TFB1M: variants seen among roughly 807,000 people sequenced by gnomAD.
TFB1M encodes transcription factor B1, mitochondrial.
TFB1M carries 27 observed loss-of-function variants against 31.1 expected under a neutral mutation model. That is an observed-to-expected ratio of 0.87 (90% confidence interval 0.64 to 1.20). The LOEUF (loss-of-function observed/expected upper bound fraction) is 1.20, where lower values mean the gene tolerates loss of function less well. Among genes scored for constraint, TFB1M ranks in the 50% most tolerant of loss-of-function variants. The probability of loss-of-function intolerance (pLI) is 0.00; values close to 1 mark genes in which losing one functional copy is unlikely to be tolerated. For synonymous variants in TFB1M, 166 were observed against 151.8 expected (o/e 1.09, Z -0.69); for missense variants, 394 against 418.7 (o/e 0.94, Z 0.51).
Position 155,256,909 on chromosome 6 carries a change from TTC to T in TFB1M, c.*925_*926del. ...GCAGCCCAAACTGGTCCGGGGGCAC[TTC>T]TGCCCCATTAAACGAAAAGCCAACA... On this transcript the variant is annotated 3_prime_UTR_variant, in exon 7 of 7. Transcript: ENST00000367166. 6.2e-7 allele frequency: 1 copy of T among 1,614,228 alleles called. No homozygotes were observed. Among genetic ancestry groups the T allele is most frequent in the South Asian group, 1.1e-5 (1 of 91,090 alleles).
At chr6:155,266,258 G>A (rs1318973606) in intron 5 of TFB1M, among the ~76,000 whole-genome samples, 1 of 152,148 alleles carries the variant, frequency 6.6e-6, no homozygotes, top group African/African-American at 2.4e-5. Flanking sequence ...AAAATACAAG[G>A]ATGGGGCTCC....
intron 1 of TFB1M, among the ~76,000 whole-genome samples, chr6:155,312,658 T>C (rs1365306517): frequency 6.6e-6 from 1 of 152,154 alleles, no homozygotes; most frequent in Non-Finnish European, 1.5e-5. Context: ...TGCTCTCTTC[T>C]GCCTGAGCTT....
At chr6:155,295,321 G>A (rs866479801) in intron 4 of TFB1M, among the ~76,000 whole-genome samples, 1 of 151,726 alleles carries the variant, frequency 6.6e-6, no homozygotes, top group Admixed American at 6.6e-5. Context: ...AGCCAAGATC[G>A]TGCCACTGCA....
At chr6:155,240,858 G>A in the TFB1M span, 1 of 799,418 alleles carries the variant, frequency 1.3e-6, no homozygotes, top group Non-Finnish European at 1.9e-6. Context: ...ATTGCTCAAG[G>A]AAGGGAGGGG....
In TFB1M at chr6:155,257,894, C is replaced by T. The variant is rs748923762; in HGVS notation, c.983G>A (p.Arg328Gln). ...TTTTTCTTCATTTTTGCTTTTTCTTCGCTTGAGTTCTTCTCTGAAATTATA... is the reference window on the plus strand; with the variant it reads ...TTTTTCTTCATTTTTGCTTTTTCTTTGCTTGAGTTCTTCTCTGAAATTATA... ...FAYNFREELKRRKSKNEEKEE... is the reference protein window; with the variant it reads ...FAYNFREELKQRKSKNEEKEE... Residue 328 changes from arginine to glutamine, a missense_variant, in exon 7 of 7, where the codon CGA (arginine) becomes CAA (glutamine). Around this residue, in one of 3 missense-constraint regions of TFB1M, gnomAD observed 115 missense variants for 144.1 expected, o/e 0.80. Coordinates refer to ENST00000367166, the MANE Select transcript of TFB1M (RefSeq NM_016020.4). 1.3e-5 allele frequency: 21 copies of T among 1,614,030 alleles called. No individual in the cohort carries two copies. Among genetic ancestry groups the T allele is most frequent in the South Asian group, 3.3e-5 (3 of 91,088 alleles).
At chr6:155,233,971 A>G in the TFB1M span, among the ~76,000 whole-genome samples, 1 of 145,076 alleles carries the variant, frequency 6.9e-6, no homozygotes, top group African/African-American at 2.6e-5. Context: ...TCAAAAAAAC[A>G]AAACAAAAAC....
At chr6:155,259,736 C>T (rs948292936) in intron 6 of TFB1M, among the ~76,000 whole-genome samples, 31 of 152,212 alleles carry the variant, frequency 2.0e-4, no homozygotes, top group African/African-American at 7.5e-4. Flanking sequence ...AGGCTGTGGT[C>T]CTTCAGAGCC....
chr6:155,268,911 T>TC (rs1178721944), intron 5 of TFB1M, among the ~76,000 whole-genome samples: 2 of 97,924 alleles, frequency 2.0e-5, no homozygotes, highest in African/African-American at 8.4e-5. Context: ...CCCTGCCAAA[T>TC]CCCCCTCTGC....
At chr6:155,263,257 C>T (rs1784472227) in intron 5 of TFB1M, among the ~76,000 whole-genome samples, 1 of 152,126 alleles carries the variant, frequency 6.6e-6, no homozygotes, top group Admixed American at 6.5e-5. Flanking sequence ...TTTAAAATTA[C>T]AAGTATTATT....
downstream of TFB1M, chr6:155,253,516 G>A (rs1783802611): frequency 5.7e-6 from 1 of 174,738 alleles, no homozygotes; most frequent in Non-Finnish European, 1.2e-5. Flanking sequence ...GGTGACAGAA[G>A]AGGCCAGCAG....
chr6:155,311,122 A>T, intron 2 of TFB1M, 66 bp downstream of exon 2: 1 of 1,562,212 alleles, frequency 6.4e-7, no homozygotes, highest in South Asian at 1.1e-5. Context: ...TTGGGGTTTA[A>T]GCATCATGGC....
intron 2 of TFB1M, among the ~76,000 whole-genome samples, chr6:155,306,610 G>T (rs535210294): frequency 6.6e-6 from 1 of 151,908 alleles, no homozygotes; most frequent in Admixed American, 6.6e-5. Context: ...CTAAGTAAAA[G>T]ATACCAGACC....
Position 155,281,721 on chromosome 6 carries a change from CAAAAAAAAA to C in TFB1M, c.666+3428_666+3436del, listed in dbSNP as rs1217317032. Reference sequence around the variant, plus strand: ...TGGGCGGCAGAGTGAGACTCTGTCTCAAAAAAAAAAAAAAAAAAAAAAAAATAGTGTTGA... The same window carrying C: ...TGGGCGGCAGAGTGAGACTCTGTCTCAAAAAAAAAAAAAAAATAGTGTTGA... On this transcript the variant is annotated intron_variant, in intron 5 of 6. Transcript: ENST00000367166. Among the ~76,000 whole-genome samples, 5 of 63,228 alleles carry C rather than the reference CAAAAAAAAA, an allele frequency of 7.9e-5. No homozygotes were observed. The South Asian group carries it at 3.1e-3, about 40-fold the overall frequency. 41.5% of individuals were successfully genotyped at this position (63,228 alleles called of 152,430 possible).
At chr6:155,230,010 T>C in the TFB1M span, among the ~76,000 whole-genome samples, 1 of 151,930 alleles carries the variant, frequency 6.6e-6, no homozygotes, top group South Asian at 2.1e-4. Flanking sequence ...ATGGGAATCA[T>C]TACAATTCAA....
chr6:155,286,122 C>T (rs563803143), intron 4 of TFB1M, among the ~76,000 whole-genome samples: 5 of 151,980 alleles, frequency 3.3e-5, no homozygotes, highest in East Asian at 3.9e-4. Context: ...ACGATAGATG[C>T]GATGTAGCAA....
downstream of TFB1M, chr6:155,253,330 AAAATG>A (rs1783787791): frequency 2.4e-6 from 1 of 410,000 alleles, no homozygotes; most frequent in Non-Finnish European, 4.4e-6. Flanking sequence ...TTGATACCCT[AAAATG>A]TGTTAGAAGA....
chr6:155,285,179 T>C lies in TFB1M; in HGVS notation c.645A>G (p.Gln215=), dbSNP rs1251997953. 1 of 1,613,896 alleles carries C rather than the reference T, an allele frequency of 6.2e-7. No homozygotes were observed. The highest frequency in any genetic ancestry group is 1.3e-5 in the African/African-American group (1 of 74,924). ...TTACCTCTGGTTTGGGGACAAAAGC[T>C]TGTCCTGGAATCGTAAAGATGTGTC... ...NVRHIFTIPG[Q]AFVPKPEVDV... is the part of the protein sequence containing the mutation. Residue 215 remains glutamine, a synonymous_variant, in exon 5 of 7, where the codon CAA becomes CAG. Transcript: ENST00000367166.
intron 5 of TFB1M, among the ~76,000 whole-genome samples, chr6:155,274,768 CTT>C (rs1785090278): frequency 6.6e-6 from 1 of 152,212 alleles, no homozygotes; most frequent in South Asian, 2.1e-4. Context: ...AAATGGTTCA[CTT>C]GGGCTATGTG....
chr6:155,284,277 T>C (rs961020515), intron 5 of TFB1M, among the ~76,000 whole-genome samples: 2 of 152,198 alleles, frequency 1.3e-5, no homozygotes, highest in Admixed American at 6.5e-5. Context: ...TCTAAATCTA[T>C]AGTCACATAA....
Sources: allele counts gnomAD v4.1 joint callset (sites outside exome capture counted in the v4.1 genomes callset), GRCh38; gene constraint gnomAD v4.1.1; regional missense constraint gnomAD v4.1.1; transcripts MANE v1.5; gene names NCBI Gene and HGNC (gene_info 2026-07-23, HGNC 2026-07-21).